The following HDAC9 variants were observed in gnomAD, a reference collection of about 807,000 sequenced individuals.
HDAC9 encodes the protein MEF-2 interacting transcription repressor (MITR) protein.
A neutral mutation model predicts 139.4 loss-of-function variants in HDAC9; 41 were observed. That is an observed-to-expected ratio of 0.29 (90% CI 0.23 to 0.38). The LOEUF is 0.38. HDAC9 is among the 10% of genes least tolerant of loss of function. The probability of loss-of-function intolerance (pLI) is 1.00; values close to 1 mark genes in which losing one functional copy is unlikely to be tolerated. For missense variants in HDAC9, 1,147 were observed against 1,297.0 expected, an observed-to-expected ratio of 0.88 and a Z score of 1.78; for synonymous variants, 517 against 476.2, an observed-to-expected ratio of 1.09 and a Z score of -1.12.
At chr7:18,282,418 A>C (rs1167961943) in intron 2 of HDAC9, among the ~76,000 whole-genome samples, 1 of 152,022 alleles carries the variant, frequency 6.6e-6, no homozygotes, top group Non-Finnish European at 1.5e-5. Flanking sequence ...GGTGCCCAAG[A>C]CTCCCTGTCC....
At chr7:18,238,483 C>A (rs756623581) in intron 2 of HDAC9, among the ~76,000 whole-genome samples, 1 of 152,142 alleles carries the variant, frequency 6.6e-6, no homozygotes, top group African/African-American at 2.4e-5. Flanking sequence ...ATTTCCCCAG[C>A]GCAGTGTAGA....
chr7:18,149,673 C>T (rs377220027), intron 1 of HDAC9, among the ~76,000 whole-genome samples: 10 of 152,150 alleles, frequency 6.6e-5, no homozygotes, highest in African/African-American at 2.4e-4. Flanking sequence ...GCCTCAGCCT[C>T]CCAAGTAGCT....
intron 1 of HDAC9, among the ~76,000 whole-genome samples, chr7:18,321,883 G>T (rs928306956): frequency 2.0e-5 from 3 of 152,100 alleles, no homozygotes; most frequent in Non-Finnish European, 1.5e-5. Flanking sequence ...TATATAAAAA[G>T]TAGGGCAGAA....
At chr7:18,889,453 A>G (rs1012400842) in intron 22 of HDAC9, among the ~76,000 whole-genome samples, 1 of 151,666 alleles carries the variant, frequency 6.6e-6, no homozygotes, top group African/African-American at 2.4e-5. Flanking sequence ...AAAAAAAATG[A>G]TCTATTTAAA....
At chr7:18,251,839 A>G (rs972530252) in intron 2 of HDAC9, among the ~76,000 whole-genome samples, 2 of 152,166 alleles carry the variant, frequency 1.3e-5, no homozygotes, top group South Asian at 4.1e-4. Context: ...ATATTTCCCA[A>G]TTCTGCAAAC....
At chr7:18,698,979 C>T (rs1486772729) in intron 12 of HDAC9, among the ~76,000 whole-genome samples, 3 of 152,160 alleles carry the variant, frequency 2.0e-5, no homozygotes, top group Non-Finnish European at 4.4e-5. Context: ...TTTTCATTTA[C>T]ACTTGATGGG....
At chr7:18,848,043 A>G (rs919329340) in intron 21 of HDAC9, among the ~76,000 whole-genome samples, 1 of 152,116 alleles carries the variant, frequency 6.6e-6, no homozygotes, top group Non-Finnish European at 1.5e-5. Flanking sequence ...CATTTATCCA[A>G]TACTCTTTTC....
chr7:18,730,240 A>G (rs145410753), intron 13 of HDAC9, among the ~76,000 whole-genome samples: 79 of 152,320 alleles, frequency 5.2e-4, no homozygotes, highest in African/African-American at 1.8e-3. Flanking sequence ...TCACTCTGCT[A>G]TTCCACATAT....
intron 22 of HDAC9, among the ~76,000 whole-genome samples, chr7:18,918,461 A>G (rs1803406193): frequency 6.6e-6 from 1 of 152,100 alleles, no homozygotes; most frequent in African/African-American, 2.4e-5. Context: ...AATATTTTAT[A>G]TAGCACACTT....
At chr7:18,668,609 A>G (rs766438709) in intron 12 of HDAC9, 8 of 982,866 alleles carry the variant, frequency 8.1e-6, no homozygotes, top group Non-Finnish European at 9.7e-6. Context: ...TTTGAATTTG[A>G]TAGTCTTTGA....
chr7:18,856,214 A>G (rs1797666811), intron 21 of HDAC9, among the ~76,000 whole-genome samples: 1 of 152,148 alleles, frequency 6.6e-6, no homozygotes, highest in South Asian at 2.1e-4. Flanking sequence ...AGAAATTATG[A>G]GTAACTGATT....
intron 1 of HDAC9, among the ~76,000 whole-genome samples, chr7:18,318,718 G>T (rs1004399213): frequency 1.4e-4 from 22 of 152,092 alleles, no homozygotes; most frequent in Admixed American, 5.2e-4. Flanking sequence ...TCTGTGCTTT[G>T]GCTTCAAAGA....
At chr7:18,936,494 C>G (rs117679667) in intron 23 of HDAC9, among the ~76,000 whole-genome samples, 1 of 152,274 alleles carries the variant, frequency 6.6e-6, no homozygotes, top group East Asian at 1.9e-4. Context: ...ATTATATTTT[C>G]TTTCACATCA....
chr7:18,507,439 C>T (rs1004919484), intron 2 of HDAC9, among the ~76,000 whole-genome samples: 3 of 151,604 alleles, frequency 2.0e-5, no homozygotes, highest in Admixed American at 6.6e-5. Context: ...GTGATCCGCC[C>T]GCCTCGGCCT....
intron 11 of HDAC9, among the ~76,000 whole-genome samples, chr7:18,655,161 A>G (rs1019415865): frequency 6.6e-6 from 1 of 152,148 alleles, no homozygotes; most frequent in African/African-American, 2.4e-5. Context: ...TAGAAACTGG[A>G]ACTGGGCTTT....
chr7:18,473,581 C>T (rs1178318454), intron 1 of HDAC9, among the ~76,000 whole-genome samples: 2 of 152,162 alleles, frequency 1.3e-5, no homozygotes, highest in African/African-American at 4.8e-5. Flanking sequence ...CAACCTATGA[C>T]AATATAAGAA....
intron 2 of HDAC9, among the ~76,000 whole-genome samples, chr7:18,191,605 T>C (rs1386230002): frequency 6.6e-6 from 1 of 152,184 alleles, no homozygotes; most frequent in Non-Finnish European, 1.5e-5. Flanking sequence ...TTGTTTTTCC[T>C]CCAGAATTAG....
chr7:18,575,122 A>C (rs1055103031), intron 2 of HDAC9, among the ~76,000 whole-genome samples: 5 of 152,236 alleles, frequency 3.3e-5, no homozygotes, highest in Non-Finnish European at 5.9e-5. Flanking sequence ...TGGTGATAGC[A>C]AATTCAAACT....
At chr7:18,372,143 C>A (rs1457596876) in intron 1 of HDAC9, among the ~76,000 whole-genome samples, 1 of 152,206 alleles carries the variant, frequency 6.6e-6, no homozygotes, top group Non-Finnish European at 1.5e-5. Flanking sequence ...TTTGACAAGG[C>A]TCAAGTGTGA....
Sources: allele counts gnomAD v4.1 joint callset (sites outside exome capture counted in the v4.1 genomes callset), GRCh38; gene constraint gnomAD v4.1.1; transcripts MANE v1.5; gene names NCBI Gene and HGNC (gene_info 2026-07-23, HGNC 2026-07-21).